The following SLC24A2 variants were observed in gnomAD, a reference collection of about 807,000 sequenced individuals.
SLC24A2 encodes the protein sodium/potassium/calcium exchanger 2.
Under a neutral mutation model 62.0 loss-of-function variants are expected in SLC24A2, and 36 were observed. The observed-to-expected ratio is 0.58, with a 90% CI of 0.44 to 0.77. The LOEUF is 0.77. SLC24A2 is among the 30% of genes least tolerant of loss of function. SLC24A2 has a pLI of 0.00. For missense variants in SLC24A2, 846 were observed against 817.9 expected (o/e 1.03, Z -0.42); for synonymous variants, 358 against 294.0 (o/e 1.22, Z -2.23).
chr9:20,113,529 G>C, the SLC24A2 span, among the ~76,000 whole-genome samples: 1 of 152,074 alleles, frequency 6.6e-6, no homozygotes, highest in African/African-American at 2.4e-5. Context: ...AGCTTCACTA[G>C]TTTTTAACTG....
At chr9:19,837,029 C>G in the SLC24A2 span, among the ~76,000 whole-genome samples, 3 of 152,070 alleles carry the variant, frequency 2.0e-5, no homozygotes, top group Non-Finnish European at 4.4e-5. Flanking sequence ...ATTCAACAAC[C>G]CTTCATGCTA....
At chr9:19,589,835 C>T (rs1320511437) in intron 5 of SLC24A2, among the ~76,000 whole-genome samples, 2 of 152,158 alleles carry the variant, frequency 1.3e-5, no homozygotes, top group Non-Finnish European at 2.9e-5. Flanking sequence ...TCTATCATTA[C>T]ACTTGATACA....
chr9:20,156,435 T>A, the SLC24A2 span, among the ~76,000 whole-genome samples: 1 of 151,706 alleles, frequency 6.6e-6, no homozygotes, highest in Non-Finnish European at 1.5e-5. Flanking sequence ...ATAATTCCTT[T>A]CAGCTCCATT....
At chr9:20,234,686 C>G in the SLC24A2 span, among the ~76,000 whole-genome samples, 1 of 152,108 alleles carries the variant, frequency 6.6e-6, no homozygotes, top group Non-Finnish European at 1.5e-5. Flanking sequence ...CCTCCTGTAG[C>G]TCAGAGTAGT....
the SLC24A2 span, among the ~76,000 whole-genome samples, chr9:20,219,678 A>G: frequency 6.6e-6 from 1 of 152,204 alleles, no homozygotes; most frequent in East Asian, 1.9e-4. Context: ...GAACACTTGT[A>G]TTTCCTGTTC....
intron 3 of SLC24A2, among the ~76,000 whole-genome samples, chr9:19,621,141 C>T (rs1286035001): frequency 6.6e-6 from 1 of 152,192 alleles, no homozygotes; most frequent in Non-Finnish European, 1.5e-5. Flanking sequence ...TTGTAAAACA[C>T]TTGTTAACAA....
rs1374559602 is a variant in SLC24A2, at chr9:19,599,208, C to G, written c.1079-1929G>C. Among the ~76,000 whole-genome samples the G allele has an allele frequency of 6.6e-6, 1 of 152,148 alleles. No individual in the cohort carries two copies. Among genetic ancestry groups the G allele is most frequent in the Non-Finnish European group, 1.5e-5 (1 of 68,044 alleles). The stretch of plus-strand genomic sequence containing the variant: ...AAATACATTCATATTGTTTAATTAT[C>G]ATTTTATTTGTACATAGTTGGAATT... On this transcript the variant is annotated intron_variant, in intron 4 of 10. Transcript: ENST00000341998. This position sits in a 1 kb window ranked among gnomAD's most constrained non-coding sequence, Gnocchi z 4.5.
At chr9:19,776,406 G>A (rs762364277) in intron 2 of SLC24A2, among the ~76,000 whole-genome samples, 2 of 152,180 alleles carry the variant, frequency 1.3e-5, no homozygotes, top group African/African-American at 2.4e-5. Flanking sequence ...TTATTTCAGA[G>A]TGTTGATGTA....
chr9:19,543,276 C>G (rs747235658), intron 8 of SLC24A2, among the ~76,000 whole-genome samples: 3 of 152,132 alleles, frequency 2.0e-5, no homozygotes, highest in Non-Finnish European at 4.4e-5. Flanking sequence ...GTGGTGATAT[C>G]CCCTTTATCA....
At chr9:19,810,960 T>G in the SLC24A2 span, among the ~76,000 whole-genome samples, 1 of 143,658 alleles carries the variant, frequency 7.0e-6, no homozygotes, top group Non-Finnish European at 1.5e-5. Context: ...AATAAAATTC[T>G]TCTTCTTATT....
At chr9:19,605,339 CAA>C (rs1453025465) in intron 4 of SLC24A2, among the ~76,000 whole-genome samples, 1 of 152,088 alleles carries the variant, frequency 6.6e-6, no homozygotes, top group East Asian at 1.9e-4. Context: ...GAATTTTTTT[CAA>C]GTCTGCTCAA....
At chr9:19,534,728 T>C (rs1056939569) in intron 8 of SLC24A2, among the ~76,000 whole-genome samples, 8 of 152,240 alleles carry the variant, frequency 5.3e-5, no homozygotes, top group African/African-American at 1.4e-4. Flanking sequence ...ATGGTGTATA[T>C]GTGGCACATT....
At chr9:19,712,795 G>C (rs1056246623) in intron 2 of SLC24A2, among the ~76,000 whole-genome samples, 3 of 152,088 alleles carry the variant, frequency 2.0e-5, no homozygotes. Flanking sequence ...TTTTAAGCTG[G>C]ATAATTCTTT....
the SLC24A2 span, among the ~76,000 whole-genome samples, chr9:19,993,456 TTTA>T: frequency 6.6e-6 from 1 of 152,214 alleles, no homozygotes; most frequent in Non-Finnish European, 1.5e-5. Flanking sequence ...TTTCCTAAAA[TTTA>T]TTTTATAACC....
the SLC24A2 span, among the ~76,000 whole-genome samples, chr9:20,005,048 G>A: frequency 2.6e-5 from 4 of 152,076 alleles, no homozygotes; most frequent in Admixed American, 2.6e-4. Context: ...CTGGTTGTCA[G>A]CGAAATAGTT....
At chr9:19,773,981 G>C (rs1403180028) in intron 2 of SLC24A2, among the ~76,000 whole-genome samples, 1 of 152,196 alleles carries the variant, frequency 6.6e-6, no homozygotes, top group Non-Finnish European at 1.5e-5. Flanking sequence ...TTGACTGTTA[G>C]TTAGGGATTG....
rs1049562536 is a variant in SLC24A2 at position 19,784,323 on chromosome 9, T to A, written c.930+1614A>T. ...CCTTCCGCAATCCTACATATACCAT[T>A]GGATTGCTCTGCAGATTCATTTTTC... On this transcript the variant is annotated intron_variant, in intron 2 of 10. Transcript: ENST00000341998. Among the ~76,000 whole-genome samples the A allele has an allele frequency of 5.5e-4, 84 of 152,328 alleles. 1 individual carries two copies. Among genetic ancestry groups the A allele is most frequent in the Non-Finnish European group, 1.2e-3 (79 of 68,034 alleles).
chr9:19,569,197 G>A (rs563736004), intron 7 of SLC24A2, among the ~76,000 whole-genome samples: 1 of 152,200 alleles, frequency 6.6e-6, no homozygotes, highest in South Asian at 2.1e-4. Flanking sequence ...TGCTGCTATT[G>A]CTTCCTGTTT....
intron 2 of SLC24A2, among the ~76,000 whole-genome samples, chr9:19,748,890 G>A (rs1020411050): frequency 5.3e-5 from 8 of 151,850 alleles, no homozygotes; most frequent in Non-Finnish European, 8.8e-5. Context: ...GAGGAAGTTG[G>A]TTTGTGTTAA....
Sources: allele counts gnomAD v4.1 joint callset (sites outside exome capture counted in the v4.1 genomes callset), GRCh38; gene constraint gnomAD v4.1.1; non-coding constraint Gnocchi (gnomAD v3.1); transcripts MANE v1.5; gene names NCBI Gene and HGNC (gene_info 2026-07-23, HGNC 2026-07-21).